The following CBFA2T3 variants were observed in gnomAD, a reference collection of about 807,000 sequenced individuals.
CBFA2T3 encodes transcriptional corepressor CBFA2T3.
A neutral mutation model predicts 58.6 loss-of-function variants in CBFA2T3; 31 were observed. The ratio of observed to expected loss-of-function variants is 0.53; its 90% CI spans 0.40 to 0.71. The LOEUF (loss-of-function observed/expected upper bound fraction) is 0.71. Ranked by LOEUF, CBFA2T3 falls within the 30% of genes least tolerant of loss-of-function variation. The pLI is 0.00. For missense variants in CBFA2T3, 1,076 were observed against 963.1 expected (o/e 1.12, Z -1.55); for synonymous variants, 531 against 421.9 (o/e 1.26, Z -3.17).
In CBFA2T3 at chr16:88,977,029, C is replaced by T. The variant is rs887088888; in HGVS notation, c.-222G>A. On this transcript the variant is annotated 5_prime_UTR_variant, in exon 1 of 12. Transcript: ENST00000268679. ...TGGGAGCCCTGGGGCTCATGTGACGCGGGGCGGGCCTGGGGCTGCAGGCTG... is the reference window on the plus strand; with the variant it reads ...TGGGAGCCCTGGGGCTCATGTGACGTGGGGCGGGCCTGGGGCTGCAGGCTG... The T allele has an allele frequency of 7.8e-5, 37 of 473,578 alleles. No homozygotes were observed. Among genetic ancestry groups the T allele is most frequent in the Non-Finnish European group, 9.1e-5 (24 of 264,422 alleles). The allele number at this position is 473,578 out of a possible 1,614,324, so 29.3% of individuals were successfully genotyped here. A position where few individuals can be genotyped will look rare whatever the true frequency, so the allele number is the denominator to read the frequency against.
At chr16:88,883,738 G>C (rs1371222967) in intron 7 of CBFA2T3, 2 of 151,568 alleles carry the variant, frequency 1.3e-5, no homozygotes, top group African/African-American at 4.9e-5. Flanking sequence ...GGAGACGTGA[G>C]TGATGCCCGG....
At chr16:88,964,976 C>T (rs542515549) in intron 1 of CBFA2T3, among the ~76,000 whole-genome samples, 3 of 151,784 alleles carry the variant, frequency 2.0e-5, no homozygotes, top group East Asian at 3.9e-4. Context: ...ATCCATCCAC[C>T]TACCCCACCC....
chr16:88,953,732 C>T lies in CBFA2T3; in HGVS notation c.151+22925G>A, dbSNP rs1264899599. On this transcript the variant is annotated intron_variant, in intron 1 of 11. Transcript: ENST00000268679. This position sits in a 1 kb window ranked among gnomAD's most constrained non-coding sequence, Gnocchi z 4.9. ...CCCTTATGTCTGCCTATTGAAGGCA[C>T]AGTTTACTCCCGGGAAAATAAACAT... Among the ~76,000 whole-genome samples the T allele has an allele frequency of 6.6e-6, 1 of 152,192 alleles. No homozygotes were observed. The highest frequency in any genetic ancestry group is 1.5e-5 in the Non-Finnish European group (1 of 68,030).
chr16:88,906,198 G>A (rs111232571), intron 1 of CBFA2T3, among the ~76,000 whole-genome samples: 45 of 152,234 alleles, frequency 3.0e-4, no homozygotes, highest in African/African-American at 1.1e-3. Flanking sequence ...CCAACTGCAG[G>A]CTCCTCTCCA....
chr16:88,967,776 G>A lies in CBFA2T3; in HGVS notation c.151+8881C>T, dbSNP rs557219062. 9.2e-5 allele frequency among the ~76,000 whole-genome samples: 14 copies of A among 152,296 alleles called. No individual in the cohort carries two copies. The South Asian group carries it at 1.2e-3, about 14-fold the overall frequency. On this transcript the variant is annotated intron_variant, in intron 1 of 11. Transcript: ENST00000268679. ...CGCACACTGCCTGGGGGCTCGTCGC[G>A]GCTCAGCCCTCACACTGCCCCTTCC...
chr16:88,882,692 C>A lies in CBFA2T3; in HGVS notation c.1187G>T (p.Trp396Leu). 1 of 1,586,750 alleles carries A rather than the reference C, an allele frequency of 6.3e-7. No individual in the cohort carries two copies. The highest frequency in any genetic ancestry group is 1.8e-5 in the Admixed American group (1 of 56,000). The change falls in exon 8 of 12, where the codon TGG becomes TTG. Residue 396 changes from tryptophan (W) to leucine (L), a missense_variant. By Grantham distance (61) the Trp-to-Leu change is moderately conservative (BLOSUM62 -2). Coordinates refer to ENST00000268679, the MANE Select transcript of CBFA2T3 (RefSeq NM_005187.6). ...GACACTCACGTTGTTGAGGTGCTTCCACTCTTCTGCCCACTCACGCTCTGT... is the reference window on the plus strand; with the variant it reads ...GACACTCACGTTGTTGAGGTGCTTCAACTCTTCTGCCCACTCACGCTCTGT... Reference protein sequence around the residue: ...KLTEREWAEEWKHLNNLLNCI... With the variant: ...KLTEREWAEELKHLNNLLNCI...
intron 1 of CBFA2T3, among the ~76,000 whole-genome samples, chr16:88,918,971 G>A (rs567831393): frequency 3.1e-4 from 47 of 152,346 alleles, no homozygotes; most frequent in African/African-American, 1.0e-3. Flanking sequence ...GACCTGTGCT[G>A]ACATTCTTAA....
chr16:88,968,180 G>A (rs571904866), intron 1 of CBFA2T3, among the ~76,000 whole-genome samples: 5 of 152,310 alleles, frequency 3.3e-5, no homozygotes, highest in East Asian at 3.9e-4. Context: ...GTGAGAGGCC[G>A]AATAAGGGTG....
At chr16:88,952,390 G>A (rs566285274) in intron 1 of CBFA2T3, among the ~76,000 whole-genome samples, 1 of 151,682 alleles carries the variant, frequency 6.6e-6, no homozygotes, top group Non-Finnish European at 1.5e-5. Flanking sequence ...GGGAGCTGCC[G>A]CCCTCCAATC....
chr16:88,907,424 G>A (rs1045717855), intron 1 of CBFA2T3, among the ~76,000 whole-genome samples: 3 of 152,230 alleles, frequency 2.0e-5, no homozygotes, highest in Admixed American at 2.0e-4. Flanking sequence ...CTGGCTCAGA[G>A]GCAGGTGGGC....
chr16:88,924,625 G>A (rs894339426), intron 1 of CBFA2T3, among the ~76,000 whole-genome samples: 1 of 152,226 alleles, frequency 6.6e-6, no homozygotes, highest in Non-Finnish European at 1.5e-5. Flanking sequence ...AGGCAGCACA[G>A]GACAAGCCTT....
chr16:88,901,751 G>T, intron 1 of CBFA2T3, 95 bp from the exon 2 acceptor site: 1 of 1,164,292 alleles, frequency 8.6e-7, no homozygotes, highest in Non-Finnish European at 1.2e-6. Context: ...GCCCCACTGA[G>T]TGTCCGCCCA....
At chr16:88,909,946 C>T (rs910704082) in intron 1 of CBFA2T3, among the ~76,000 whole-genome samples, 6 of 152,186 alleles carry the variant, frequency 3.9e-5, no homozygotes, top group African/African-American at 7.2e-5. Context: ...ACCAGAGGGA[C>T]GAGCCACCCT....
At chr16:88,962,879 G>A (rs966088201) in intron 1 of CBFA2T3, among the ~76,000 whole-genome samples, 4 of 152,162 alleles carry the variant, frequency 2.6e-5, no homozygotes, top group South Asian at 2.1e-4. Flanking sequence ...AGGTCCACTC[G>A]GAAGGGAGCT....
rs117072674 is a variant in CBFA2T3, at chr16:88,878,992, C to T, written c.1662+278G>A. On this transcript the variant is annotated intron_variant, in intron 11 of 11. Transcript: ENST00000268679. ...ACCTGGGCTCGAGTCCTGGCCCCAC[C>T]GCTTCCCAAGGCCGTGACCTCAGAC... Among the ~76,000 whole-genome samples the T allele has an allele frequency of 3.4e-3, 523 of 152,348 alleles. 3 individuals are homozygous for T. Among genetic ancestry groups the T allele is most frequent in the Non-Finnish European group, 5.8e-3 (394 of 68,034 alleles).
Position 88,882,581 on chromosome 16 carries a change from G to C in CBFA2T3, c.1203+95C>G, listed in dbSNP as rs566313912. 1.8e-4 allele frequency: 73 copies of C among 401,006 alleles called. 1 individual carries two copies. In the East Asian group the frequency reaches 5.7e-3, roughly 31 times the overall value. The allele number at this position is 401,006 out of a possible 1,614,324, so 24.8% of individuals were successfully genotyped here. On this transcript the variant is annotated intron_variant, in intron 8 of 11. Coordinates refer to ENST00000268679, the MANE Select transcript of CBFA2T3 (RefSeq NM_005187.6). ...GTGTGTGGGCATGGCTGTGGGCGTG[G>C]CTGTGTGTGCATGGCTGTGTGTGCG...
chr16:88,881,154 A>G (rs777166187), intron 9 of CBFA2T3, 137 bp downstream of exon 9: 15 of 837,242 alleles, frequency 1.8e-5, no homozygotes, highest in Admixed American at 3.9e-5. Flanking sequence ...TTTTCCTACA[A>G]AGTGAAAAAG....
At position 88,891,858 on chromosome 16, in the gene CBFA2T3, C is replaced by T. The variant is rs916303832; in HGVS notation, c.711+24G>A. On this transcript the variant is annotated intron_variant, in intron 5 of 11. Transcript: ENST00000268679. ...GGGCCTTCTAGGGAGGCTCCCGCAG[C>T]ACGGGGGACGGGTTTCGCATTACCT... 2.2e-5 allele frequency: 35 copies of T among 1,559,460 alleles called. 1 individual carries two copies. Among genetic ancestry groups the T allele is most frequent in the Non-Finnish European group, 2.6e-5 (30 of 1,133,452 alleles).
intron 1 of CBFA2T3, among the ~76,000 whole-genome samples, chr16:88,965,315 T>C (rs1235376316): frequency 6.6e-6 from 1 of 152,252 alleles, no homozygotes; most frequent in East Asian, 1.9e-4. Context: ...GTGAGCTAAA[T>C]GTGCAGATTT....
Sources: allele counts gnomAD v4.1 joint callset (sites outside exome capture counted in the v4.1 genomes callset), GRCh38; gene constraint gnomAD v4.1.1; non-coding constraint Gnocchi (gnomAD v3.1); transcripts MANE v1.5; gene names NCBI Gene and HGNC (gene_info 2026-07-23, HGNC 2026-07-21).